The following NARS2 variants were observed in gnomAD, a reference collection of about 807,000 sequenced individuals.
NARS2 encodes the protein asparaginyl-tRNA synthetase 2, mitochondrial.
Under a neutral mutation model 62.9 loss-of-function variants are expected in NARS2, and 60 were observed. The ratio of observed to expected loss-of-function variants is 0.95; its 90% CI spans 0.77 to 1.18. The LOEUF (loss-of-function observed/expected upper bound fraction) is 1.18, where lower values mean the gene tolerates loss of function less well. Among genes scored for constraint, NARS2 ranks in the 50% most tolerant of loss-of-function variants. The pLI, the probability that NARS2 is intolerant of heterozygous loss-of-function variation, is 0.00. For missense variants in NARS2, 619 were observed against 576.4 expected (o/e 1.07, Z -0.76); for synonymous variants, 196 against 200.0 (o/e 0.98, Z 0.17).
Position 78,465,993 on chromosome 11 carries a change from A to T in NARS2, c.1047T>A (p.Thr349=). Residue 349 remains threonine, a synonymous_variant, in exon 11 of 14, where the codon ACT becomes ACA. Transcript: ENST00000281038. ...GCTTCACCAGGTACTTTTCATGTTC[A>T]GTCCGTAGGTCAGCACCCCACTGTA... The part of the protein sequence containing the change: ...FTPEWGADLR[T]EHEKYLVKHC... The T allele has an allele frequency of 6.2e-7, 1 of 1,611,102 alleles. No homozygotes were observed. The highest frequency in any genetic ancestry group is 1.3e-5 in the African/African-American group (1 of 74,950).
intron 7 of NARS2, among the ~76,000 whole-genome samples, chr11:78,489,192 C>T (rs1859709980): frequency 6.6e-6 from 1 of 151,766 alleles, no homozygotes; most frequent in Non-Finnish European, 1.5e-5. Flanking sequence ...ACCACACATC[C>T]AACAAGGAAC....
At chr11:78,508,047 C>T (rs1590792485) in intron 6 of NARS2, among the ~76,000 whole-genome samples, 1 of 152,128 alleles carries the variant, frequency 6.6e-6, no homozygotes, top group East Asian at 1.9e-4. Flanking sequence ...AAAAAAAGAA[C>T]ACCTAGGAAA....
chr11:78,445,140 T>G (rs1413611163), intron 11 of NARS2, among the ~76,000 whole-genome samples: 1 of 152,204 alleles, frequency 6.6e-6, no homozygotes, highest in Non-Finnish European at 1.5e-5. Flanking sequence ...ATTTTAAAAT[T>G]GTTTTCCTCT....
chr11:78,463,869 A>G (rs1858500544), intron 11 of NARS2, among the ~76,000 whole-genome samples: 1 of 151,866 alleles, frequency 6.6e-6, no homozygotes, highest in African/African-American at 2.4e-5. Context: ...TCCCCTCACT[A>G]TTTCTATTTG....
At chr11:78,540,647 T>C (rs1287357433) in intron 5 of NARS2, among the ~76,000 whole-genome samples, 2 of 152,212 alleles carry the variant, frequency 1.3e-5, no homozygotes, top group African/African-American at 4.8e-5. Context: ...AGATGAAGCA[T>C]GGTTCAGAAA....
chr11:78,534,590 TCA>T (rs1406559253), intron 5 of NARS2, among the ~76,000 whole-genome samples: 4 of 152,164 alleles, frequency 2.6e-5, no homozygotes, highest in Non-Finnish European at 5.9e-5. Context: ...CCAGATACAT[TCA>T]CAAATTCTCA....
intron 6 of NARS2, among the ~76,000 whole-genome samples, chr11:78,516,563 A>C (rs147815323): frequency 2.5e-4 from 38 of 152,296 alleles, no homozygotes; most frequent in Non-Finnish European, 4.1e-4. Context: ...TAGGGTCACG[A>C]AGGTTGAAAT....
chr11:78,536,452 A>G (rs1225328626), intron 5 of NARS2, among the ~76,000 whole-genome samples: 2 of 152,188 alleles, frequency 1.3e-5, no homozygotes, highest in African/African-American at 4.8e-5. Flanking sequence ...GGTGGAAGAC[A>G]GCGATTCCAC....
At chr11:78,475,856 C>T (rs148169808) in intron 9 of NARS2, among the ~76,000 whole-genome samples, 1 of 152,272 alleles carries the variant, frequency 6.6e-6, no homozygotes, top group African/African-American at 2.4e-5. Context: ...CCACCTCAGC[C>T]TCCCAAAGTG....
At chr11:78,546,502 C>T (rs1361759633) in intron 5 of NARS2, 1 of 152,198 alleles carries the variant, frequency 6.6e-6, no homozygotes, top group Admixed American at 6.5e-5. Flanking sequence ...CTCTATTTTA[C>T]TTTTAGATTT....
intron 2 of NARS2, 141 bp downstream of exon 2, chr11:78,571,194 G>C (rs985554003): frequency 5.0e-6 from 3 of 598,960 alleles, no homozygotes. Context: ...CAAATATTCG[G>C]AGTTGATCCT....
At chr11:78,563,354 A>G (rs1856617181) in intron 4 of NARS2, among the ~76,000 whole-genome samples, 3 of 150,636 alleles carry the variant, frequency 2.0e-5, no homozygotes, top group South Asian at 4.2e-4. Flanking sequence ...AGTAGCTGGG[A>G]CTACAGGCAC....
intron 11 of NARS2, among the ~76,000 whole-genome samples, chr11:78,448,319 C>G (rs1463128425): frequency 7.1e-6 from 1 of 141,016 alleles, no homozygotes. Flanking sequence ...GTAGTAATCA[C>G]TTTTTTTTTT....
chr11:78,466,931 A>G (rs1858646959), intron 10 of NARS2, among the ~76,000 whole-genome samples: 1 of 151,824 alleles, frequency 6.6e-6, no homozygotes, highest in Non-Finnish European at 1.5e-5. Flanking sequence ...TAGTGGTAAG[A>G]AAAAGTTATA....
chr11:78,465,883 T>G lies in NARS2; in HGVS notation c.1157A>C (p.Gln386Pro). 1 of 1,614,206 alleles carries G rather than the reference T, an allele frequency of 6.2e-7. No individual in the cohort carries two copies. Among genetic ancestry groups the G allele is most frequent in the Non-Finnish European group, 8.5e-7 (1 of 1,180,012 alleles). Residue 386 changes from glutamine to proline, a missense_variant, in exon 11 of 14, where the codon CAG becomes CCG. Gln to Pro is a moderately conservative substitution (Grantham distance 76). Transcript: ENST00000281038. ...TTTAGTATCTCTTCTTACCGTGTGC[T>G]GAGGGCCATCTTCATTATCCCTCAT... is the stretch of plus-strand genomic sequence containing the variant. ...FYMRDNEDGP[Q>P]HTVAAVDLLV...
intron 5 of NARS2, among the ~76,000 whole-genome samples, chr11:78,538,287 G>C (rs912016540): frequency 6.6e-6 from 1 of 152,116 alleles, no homozygotes; most frequent in Non-Finnish European, 1.5e-5. Flanking sequence ...GCCTAGACTA[G>C]TAAAAATGAC....
intron 9 of NARS2, among the ~76,000 whole-genome samples, chr11:78,473,928 T>TA: frequency 6.6e-6 from 1 of 152,138 alleles, no homozygotes; most frequent in Non-Finnish European, 1.5e-5. Flanking sequence ...TCATTGCTGT[T>TA]AAAATCTCTG....
intron 6 of NARS2, among the ~76,000 whole-genome samples, chr11:78,526,017 T>C (rs1353973580): frequency 2.0e-5 from 3 of 152,068 alleles, no homozygotes; most frequent in Admixed American, 1.3e-4. Context: ...TGGGGAAACA[T>C]GACAACTAAG....
intron 7 of NARS2, among the ~76,000 whole-genome samples, chr11:78,488,109 A>C (rs1859654562): frequency 1.3e-5 from 2 of 152,156 alleles, no homozygotes. Context: ...ATTGAGAGCA[A>C]AAATTCAAAC....
Sources: allele counts gnomAD v4.1 joint callset (sites outside exome capture counted in the v4.1 genomes callset), GRCh38; gene constraint gnomAD v4.1.1; transcripts MANE v1.5; gene names NCBI Gene and HGNC (gene_info 2026-07-23, HGNC 2026-07-21).